The following RESP18 variants were observed in gnomAD, a reference collection of about 807,000 sequenced individuals.
RESP18 encodes regulated endocrine-specific protein 18.
Under a neutral mutation model 30.0 loss-of-function variants are expected in RESP18, and 30 were observed. That is an observed-to-expected ratio of 1.00 (90% CI 0.75 to 1.36). The LOEUF (loss-of-function observed/expected upper bound fraction) is 1.36. RESP18 is among the 40% of genes most tolerant of loss of function. The pLI is 0.00. For synonymous variants in RESP18, 117 were observed against 111.2 expected (o/e 1.05, Z -0.33); for missense variants, 320 against 284.2 (o/e 1.13, Z -0.91).
At chr2:219,331,203 G>A (rs773923973) in intron 2 of RESP18, 5 of 201,150 alleles carry the variant, frequency 2.5e-5, no homozygotes, top group Non-Finnish European at 4.9e-5. Context: ...GGTGGGGCAT[G>A]GGGAAACAGG....
chr2:219,332,652 C>A lies in RESP18; in HGVS notation c.104G>T (p.Ser35Ile). The A allele has an allele frequency of 6.4e-7, 1 of 1,551,384 alleles. No homozygotes were observed. Among genetic ancestry groups the A allele is most frequent in the South Asian group, 1.2e-5 (1 of 84,052 alleles). ...TATCCTCCCAGGCTCGGCGCGCTCA[C>A]TCCCCGGCCAAGTCTCAGTGAAGGT... The change falls in exon 2 of 7, where the codon AGT becomes ATT. Residue 35 changes from serine to isoleucine, a missense_variant. Physicochemically the swap from Ser to Ile is moderately radical, Grantham distance 142. Coordinates refer to ENST00000333527, the MANE Select transcript of RESP18 (RefSeq NM_001007089.4).
intron 1 of RESP18, chr2:219,333,099 C>CTATA (rs5838736): frequency 6.3e-5 from 72 of 1,144,958 alleles, no homozygotes; most frequent in East Asian, 1.6e-4. Flanking sequence ...GTTCGATCTG[C>CTATA]TATATATATA....
chr2:219,329,626 A>G lies in RESP18; in HGVS notation c.465+11T>C. 1.9e-6 allele frequency: 3 copies of G among 1,551,330 alleles called. No homozygotes were observed. The highest frequency in any genetic ancestry group is 2.4e-5 in the East Asian group (1 of 40,924). ...AATGCTTGGAATGACCACAGGCCTC[A>G]TGCACCTCACCTCAGTGGTTTTAGT... On this transcript the variant is annotated intron_variant, in intron 4 of 6. Coordinates refer to ENST00000333527, the MANE Select transcript of RESP18 (RefSeq NM_001007089.4).
rs1053051639 is a variant in RESP18 at position 219,332,756 on chromosome 2, G to A, written c.18-18C>T. On this transcript the variant is annotated intron_variant, in intron 1 of 6. Coordinates refer to ENST00000333527, the MANE Select transcript of RESP18 (RefSeq NM_001007089.4). ...CTCCGAATCTGTTTAACCCTCCTCGGCAGTTCAGCCAATCGTGAGCGGGCC... is the reference window on the plus strand; with the variant it reads ...CTCCGAATCTGTTTAACCCTCCTCGACAGTTCAGCCAATCGTGAGCGGGCC... 3 of 1,520,358 alleles carry A rather than the reference G, an allele frequency of 2.0e-6. No homozygotes were observed. The Admixed American group carries it at 6.1e-5, about 31-fold the overall frequency. The allele number at this position is 1,520,358 out of a possible 1,614,324, so 94.2% of individuals were successfully genotyped here. A position where few individuals can be genotyped will look rare whatever the true frequency, so the allele number is the denominator to read the frequency against.
rs1952809053 is a variant in RESP18 at position 219,329,657 on chromosome 2, A to G, written c.445T>C (p.Phe149Leu). 1.3e-6 allele frequency: 2 copies of G among 1,551,576 alleles called. No homozygotes were observed. Among genetic ancestry groups the G allele is most frequent in the Non-Finnish European group, 1.7e-6 (2 of 1,146,996 alleles). Residue 149 changes from phenylalanine to leucine, a missense_variant, in exon 4 of 7, where the codon TTC (phenylalanine) becomes CTC (leucine). Physicochemically the swap from Phe to Leu is conservative, Grantham distance 22. Coordinates refer to ENST00000333527, the MANE Select transcript of RESP18 (RefSeq NM_001007089.4). ...CTCACCTCAGTGGTTTTAGTGGGGAAAAGTGCCTTCCCATCCTTCAGGCAT... is the reference window on the plus strand; with the variant it reads ...CTCACCTCAGTGGTTTTAGTGGGGAGAAGTGCCTTCCCATCCTTCAGGCAT...
Position 219,329,264 on chromosome 2 carries a change from G to A in RESP18, c.466-12C>T. ...TTGGCCAGGGGGCTCTGTGAGGAGGGAAACCAGGAGTCAAGGAGGAGGCAG... is the reference window on the plus strand; with the variant it reads ...TTGGCCAGGGGGCTCTGTGAGGAGGAAAACCAGGAGTCAAGGAGGAGGCAG... On this transcript the variant is annotated splice_polypyrimidine_tract_variant and intron_variant, in intron 4 of 6. Coordinates refer to ENST00000333527, the MANE Select transcript of RESP18 (RefSeq NM_001007089.4). 6.4e-7 allele frequency: 1 copy of A among 1,551,706 alleles called. No homozygotes were observed. Among genetic ancestry groups the A allele is most frequent in the Non-Finnish European group, 8.7e-7 (1 of 1,146,960 alleles).
chr2:219,330,724 C>G (rs6707009), intron 3 of RESP18, 47 bp downstream of exon 2: 384,924 of 1,239,736 alleles, frequency 0.31, 72,974 homozygotes, highest in African/African-American at 0.85. Flanking sequence ...TTCCCCCCTC[C>G]CCATCTCTAA....
At chr2:219,329,424 A>G in intron 4 of RESP18, 172 bp from the exon 4 acceptor site, 2 of 1,551,256 alleles carry the variant, frequency 1.3e-6, no homozygotes, top group Non-Finnish European at 1.7e-6. Context: ...ACAGGGAATG[A>G]CAAATTGGAC....
chr2:219,327,689 G>A, intron 6 of RESP18, 126 bp from the exon 6 acceptor site: 3 of 794,620 alleles, frequency 3.8e-6, no homozygotes, highest in Non-Finnish European at 6.4e-6. Context: ...CATGGTGACA[G>A]CTCACCAACT....
Position 219,329,267 on chromosome 2 carries a change from A to G in RESP18, c.466-15T>C. On this transcript the variant is annotated splice_polypyrimidine_tract_variant and intron_variant, in intron 4 of 6. Transcript: ENST00000333527. Reference sequence around the variant, plus strand: ...GCCAGGGGGCTCTGTGAGGAGGGAAACCAGGAGTCAAGGAGGAGGCAGAAA... The same window carrying G: ...GCCAGGGGGCTCTGTGAGGAGGGAAGCCAGGAGTCAAGGAGGAGGCAGAAA... 3.2e-6 allele frequency: 5 copies of G among 1,551,708 alleles called. No homozygotes were observed. In the South Asian group the frequency reaches 5.9e-5, roughly 18 times the overall value.
chr2:219,328,855 T>A (rs1260496777), intron 6 of RESP18, 69 bp downstream of exon 5: 1 of 965,256 alleles, frequency 1.0e-6, no homozygotes, highest in Non-Finnish European at 1.6e-6. Context: ...CAAGGGCATA[T>A]ATGGCAAAAA....
intron 3 of RESP18, among the ~76,000 whole-genome samples, chr2:219,330,555 G>A (rs1952819764): frequency 6.7e-6 from 1 of 148,804 alleles, no homozygotes; most frequent in African/African-American, 2.5e-5. Context: ...TTCCCTAGAA[G>A]CCTTTACTGG....
chr2:219,327,423 CT>C lies in RESP18; in HGVS notation c.*93del. ...AACTCAGTGTTTGCATGAGAGTCTA[CT>C]TTAATGATTCAAATCTGGGTCATCC... On this transcript the variant is annotated 3_prime_UTR_variant, in exon 7 of 7. Transcript: ENST00000333527. The C allele has an allele frequency of 8.6e-7, 1 of 1,169,402 alleles. No homozygotes were observed. Among genetic ancestry groups the C allele is most frequent in the Non-Finnish European group, 1.2e-6 (1 of 800,592 alleles). The allele number at this position is 1,169,402 out of a possible 1,614,324, so 72.4% of individuals were successfully genotyped here.
intron 3 of RESP18, among the ~76,000 whole-genome samples, chr2:219,330,051 G>T (rs1412432429): frequency 6.6e-6 from 1 of 152,194 alleles, no homozygotes; most frequent in African/African-American, 2.4e-5. Flanking sequence ...TCAAACTTTA[G>T]CATGTGCATC....
chr2:219,330,488 G>A (rs114006326), intron 3 of RESP18, among the ~76,000 whole-genome samples: 1 of 151,678 alleles, frequency 6.6e-6, no homozygotes, highest in Non-Finnish European at 1.5e-5. Context: ...GCTGGGGTTG[G>A]GGGGAGACTA....
At position 219,327,490 on chromosome 2, in the gene RESP18, G is replaced by A; in HGVS notation, c.*27C>T. ...GAAGGGCAATGGGAAGGGTGCTGGG[G>A]CAGGGAGGCTTCACATGAGGTCTCA... On this transcript the variant is annotated 3_prime_UTR_variant, in exon 7 of 7. Transcript: ENST00000333527. 6.5e-7 allele frequency: 1 copy of A among 1,549,072 alleles called. No individual in the cohort carries two copies. Among genetic ancestry groups the A allele is most frequent in the Non-Finnish European group, 8.7e-7 (1 of 1,144,678 alleles).
At chr2:219,329,545 C>T in intron 4 of RESP18, 92 bp downstream of exon 3, 1 of 1,538,258 alleles carries the variant, frequency 6.5e-7, no homozygotes, top group Non-Finnish European at 8.8e-7. Flanking sequence ...GTGCTCCTGG[C>T]AACTTCTACC....
intron 4 of RESP18, 51 bp downstream of exon 3, chr2:219,329,586 C>A: frequency 6.5e-7 from 1 of 1,547,956 alleles, no homozygotes; most frequent in Non-Finnish European, 8.7e-7. Flanking sequence ...CTTCCCTGTT[C>A]CGTCTGTCTG....
At chr2:219,327,695 C>T (rs1574946834) in intron 6 of RESP18, 132 bp from the exon 6 acceptor site, 2 of 758,596 alleles carry the variant, frequency 2.6e-6, no homozygotes, top group East Asian at 2.7e-5. Flanking sequence ...GACAGCTCAC[C>T]AACTGAGAGC....
Sources: gnomAD v4.1 joint callset for allele counts (sites outside exome capture counted in the v4.1 genomes callset) on GRCh38, gnomAD v4.1.1 for gene constraint, MANE v1.5 for transcripts, NCBI Gene and HGNC (gene_info 2026-07-23, HGNC 2026-07-21) for gene names.